Variants in FER observed in about 807,000 individuals in gnomAD.
The protein encoded by FER is tyrosine-protein kinase Fer.
In FER, 63 loss-of-function variants were observed where a neutral mutation model predicts 111.0. The observed-to-expected ratio is 0.57, with a 90% confidence interval of 0.46 to 0.70. The LOEUF is 0.70. Among genes scored for constraint, FER ranks in the 30% least tolerant of loss-of-function variants. The pLI is 0.00. For missense variants in FER, 914 were observed against 954.0 expected, an observed-to-expected ratio of 0.96 and a Z score of 0.55; for synonymous variants, 327 against 313.9, an observed-to-expected ratio of 1.04 and a Z score of -0.44.
chr5:109,005,700 C>G (rs1006597425), intron 13 of FER, among the ~76,000 whole-genome samples: 3 of 152,180 alleles, frequency 2.0e-5, no homozygotes, highest in African/African-American at 7.2e-5. Flanking sequence ...CATGCTCTTG[C>G]ACACCAATGA....
chr5:108,818,859 G>A (rs1388803802), intron 3 of FER, among the ~76,000 whole-genome samples: 1 of 152,116 alleles, frequency 6.6e-6, no homozygotes, highest in Non-Finnish European at 1.5e-5. Context: ...CTTTTTAGAT[G>A]TGCTCATACT....
rs56097357 is a variant in FER at position 109,187,543 on chromosome 5, G to C, written c.2437G>C (p.Glu813Gln). ...NRPKFSELQKELTIIKRKLT is the reference protein window; with the variant it reads ...NRPKFSELQKQLTIIKRKLT The stretch of plus-strand genomic sequence containing the variant: ...CCCTAAGTTCAGTGAACTTCAGAAA[G>C]AGCTCACTATCATCAAGAGAAAACT... Residue 813 changes from glutamate to glutamine, a missense_variant, in exon 20 of 20, where the codon GAG becomes CAG. This residue lies in a region of FER where 134 missense variants were observed against 149.4 expected (regional missense o/e 0.90). Coordinates refer to ENST00000281092, the MANE Select transcript of FER (RefSeq NM_005246.4). The C allele has an allele frequency of 6.2e-7, 1 of 1,614,082 alleles. No homozygotes were observed. Among genetic ancestry groups the C allele is most frequent in the East Asian group, 2.2e-5 (1 of 44,878 alleles).
At chr5:108,874,975 T>C (rs991417762) in intron 8 of FER, among the ~76,000 whole-genome samples, 6 of 151,820 alleles carry the variant, frequency 4.0e-5, no homozygotes, top group Non-Finnish European at 8.8e-5. Context: ...AAATTATATT[T>C]GTGAAACTGG....
At chr5:109,143,160 A>G (rs140934216) in intron 17 of FER, among the ~76,000 whole-genome samples, 3 of 152,270 alleles carry the variant, frequency 2.0e-5, no homozygotes, top group African/African-American at 4.8e-5. Context: ...TTTAAGTAAC[A>G]TGGACAGTCA....
At chr5:108,900,851 T>A (rs916709202) in intron 10 of FER, among the ~76,000 whole-genome samples, 1 of 152,186 alleles carries the variant, frequency 6.6e-6, no homozygotes, top group South Asian at 2.1e-4. Context: ...TTTGTCTTAG[T>A]CTTGATGTTT....
intron 2 of FER, among the ~76,000 whole-genome samples, chr5:108,787,654 C>A (rs892735026): frequency 1.5e-4 from 23 of 152,196 alleles, no homozygotes; most frequent in Non-Finnish European, 2.4e-4. Flanking sequence ...CAGGCTCAGC[C>A]AGACACACAT....
At chr5:108,756,171 A>AC (rs1432270964) in intron 1 of FER, among the ~76,000 whole-genome samples, 1 of 142,878 alleles carries the variant, frequency 7.0e-6, no homozygotes, top group Non-Finnish European at 1.5e-5. Flanking sequence ...AAAAAAAAAA[A>AC]AATAATAATA....
chr5:109,056,627 C>T (rs1773684435), intron 16 of FER, among the ~76,000 whole-genome samples: 1 of 152,120 alleles, frequency 6.6e-6, no homozygotes, highest in South Asian at 2.1e-4. Context: ...GTAGAATGAT[C>T]AAGTCTAGAG....
chr5:108,807,047 G>A (rs923913663), intron 3 of FER, among the ~76,000 whole-genome samples: 4 of 152,130 alleles, frequency 2.6e-5, no homozygotes, highest in South Asian at 4.1e-4. Flanking sequence ...GAGGAACCCC[G>A]TGGGAGGTGA....
At chr5:109,068,266 C>G (rs150404518) in intron 16 of FER, among the ~76,000 whole-genome samples, 6,948 of 152,028 alleles carry the variant, frequency 0.046, 223 homozygotes, top group South Asian at 0.093. Context: ...TCACTGCACC[C>G]TCTGCCTTCC....
intron 18 of FER, among the ~76,000 whole-genome samples, chr5:109,183,779 G>C (rs1758552690): frequency 6.6e-6 from 1 of 152,026 alleles, no homozygotes; most frequent in African/African-American, 2.4e-5. Flanking sequence ...AAAGTGGGGG[G>C]TGGGGCATAG....
intron 14 of FER, among the ~76,000 whole-genome samples, chr5:109,040,788 A>C (rs1470241315): frequency 6.6e-6 from 1 of 152,160 alleles, no homozygotes; most frequent in African/African-American, 2.4e-5. Flanking sequence ...GTGAAAATTC[A>C]TCATTTAAGA....
rs998447746 is a variant in FER, at chr5:109,012,422, A to G, written c.1657-25000A>G. On this transcript the variant is annotated intron_variant, in intron 13 of 19. Coordinates refer to ENST00000281092, the MANE Select transcript of FER (RefSeq NM_005246.4). ...ACGTGTCACAATTAAAGTTTTATGT[A>G]CGTATTTTGAGGCTAAATATGAAAT... Among the ~76,000 whole-genome samples, 3 of 152,330 alleles carry G rather than the reference A, an allele frequency of 2.0e-5. 1 individual carries two copies. The highest frequency in any genetic ancestry group is 7.2e-5 in the African/African-American group (3 of 41,570).
At chr5:109,099,103 A>G (rs2150062518) in intron 16 of FER, among the ~76,000 whole-genome samples, 1 of 151,718 alleles carries the variant, frequency 6.6e-6, no homozygotes, top group Non-Finnish European at 1.5e-5. Context: ...CTGGCTTAAT[A>G]TCTGGGGGCC....
chr5:109,024,854 C>T (rs1768457330), intron 13 of FER, among the ~76,000 whole-genome samples: 1 of 151,748 alleles, frequency 6.6e-6, no homozygotes, highest in Non-Finnish European at 1.5e-5. Flanking sequence ...CCAGTTTTCC[C>T]AGCACCATTT....
At chr5:109,012,008 G>A (rs1766338323) in intron 13 of FER, among the ~76,000 whole-genome samples, 1 of 152,126 alleles carries the variant, frequency 6.6e-6, no homozygotes, top group African/African-American at 2.4e-5. Context: ...CTCCCCAGCA[G>A]AGCCTACTTC....
chr5:108,821,776 T>G lies in FER; in HGVS notation c.208-10994T>G, dbSNP rs553009677. ...TATGGTATACCTTGTAATATTTTGATATATGTTGTATAATGATTACCACAA... is the reference window on the plus strand; with the variant it reads ...TATGGTATACCTTGTAATATTTTGAGATATGTTGTATAATGATTACCACAA... On this transcript the variant is annotated intron_variant, in intron 3 of 19. Coordinates refer to ENST00000281092, the MANE Select transcript of FER (RefSeq NM_005246.4). Among the ~76,000 whole-genome samples, 5 of 152,128 alleles carry G rather than the reference T, an allele frequency of 3.3e-5. No homozygotes were observed. In the East Asian group the frequency reaches 9.6e-4, roughly 29 times the overall value.
intron 19 of FER, among the ~76,000 whole-genome samples, chr5:109,186,678 A>C (rs971965461): frequency 6.6e-6 from 1 of 152,220 alleles, no homozygotes; most frequent in African/African-American, 2.4e-5. Flanking sequence ...ATTGAAATGC[A>C]GTTAGTCTTC....
At chr5:109,182,420 C>T (rs1045783626) in intron 18 of FER, among the ~76,000 whole-genome samples, 7 of 152,142 alleles carry the variant, frequency 4.6e-5, no homozygotes, top group Admixed American at 6.5e-5. Flanking sequence ...GAAAAAATGG[C>T]AGAGCTGCTA....
Sources: allele counts gnomAD v4.1 joint callset (sites outside exome capture counted in the v4.1 genomes callset), GRCh38; gene constraint gnomAD v4.1.1; regional missense constraint gnomAD v4.1.1; transcripts MANE v1.5; gene names NCBI Gene and HGNC (gene_info 2026-07-23, HGNC 2026-07-21).